HDAC9: variants seen among roughly 807,000 people sequenced by gnomAD.
HDAC9 encodes MEF-2 interacting transcription repressor (MITR) protein.
A neutral mutation model predicts 139.4 loss-of-function variants in HDAC9; 41 were observed. That is an observed-to-expected ratio of 0.29 (90% CI 0.23 to 0.38). The LOEUF is 0.38. Among genes scored for constraint, HDAC9 ranks in the 10% least tolerant of loss-of-function variants. The pLI, the probability that HDAC9 is intolerant of heterozygous loss-of-function variation, is 1.00. For missense variants in HDAC9, 1,147 were observed against 1,297.0 expected (o/e 0.88, Z 1.78); for synonymous variants, 517 against 476.2 (o/e 1.09, Z -1.12).
chr7:18,105,109 C>G, intron 1 of HDAC9, among the ~76,000 whole-genome samples: 1 of 148,964 alleles, frequency 6.7e-6, no homozygotes. Context: ...ATTTCATCTA[C>G]ATCTAGATGC....
intron 1 of HDAC9, among the ~76,000 whole-genome samples, chr7:18,378,624 A>C (rs1004507727): frequency 6.6e-6 from 1 of 152,052 alleles, no homozygotes; most frequent in African/African-American, 2.4e-5. Flanking sequence ...TATACATATA[A>C]ATATATGCAC....
intron 1 of HDAC9, among the ~76,000 whole-genome samples, chr7:18,402,833 C>T (rs142586854): frequency 1.6e-3 from 236 of 152,168 alleles, no homozygotes; most frequent in Non-Finnish European, 2.9e-3. Context: ...AATAAAAAGC[C>T]ATATACATTA....
At chr7:18,944,866 A>T (rs1055673092) in intron 23 of HDAC9, among the ~76,000 whole-genome samples, 1 of 152,172 alleles carries the variant, frequency 6.6e-6, no homozygotes, top group African/African-American at 2.4e-5. Context: ...GCTATATTTG[A>T]TTCATTTCCA....
chr7:18,591,772 T>G (rs1831065038), intron 5 of HDAC9, 130 bp downstream of exon 5: 1 of 1,227,474 alleles, frequency 8.1e-7, no homozygotes, highest in Non-Finnish European at 1.1e-6. Flanking sequence ...CCTTCAGTTC[T>G]CTAAGGATCA....
At chr7:18,792,113 T>A (rs1312366979) in intron 16 of HDAC9, among the ~76,000 whole-genome samples, 1 of 152,170 alleles carries the variant, frequency 6.6e-6, no homozygotes, top group Non-Finnish European at 1.5e-5. Flanking sequence ...TATTCATTGT[T>A]CTTGGTAGTA....
At chr7:18,579,797 G>T (rs1475531148) in intron 2 of HDAC9, among the ~76,000 whole-genome samples, 1 of 152,058 alleles carries the variant, frequency 6.6e-6, no homozygotes, top group East Asian at 1.9e-4. Flanking sequence ...ATGCCTGTGT[G>T]TGTGTGTGTG....
intron 12 of HDAC9, among the ~76,000 whole-genome samples, chr7:18,723,371 G>T (rs1490648050): frequency 6.6e-6 from 1 of 152,082 alleles, no homozygotes; most frequent in East Asian, 1.9e-4. Flanking sequence ...TACTAACTAC[G>T]GTTAAGGTGC....
At chr7:18,292,633 A>G (rs1013910986) in intron 1 of HDAC9, among the ~76,000 whole-genome samples, 4 of 152,160 alleles carry the variant, frequency 2.6e-5, no homozygotes, top group African/African-American at 2.4e-5. Flanking sequence ...CTTTTAGTAA[A>G]TTAACCATGC....
At chr7:18,985,865 CTTCTT>C (rs1785304479) in intron 25 of HDAC9, among the ~76,000 whole-genome samples, 1 of 108,014 alleles carries the variant, frequency 9.3e-6, no homozygotes, top group African/African-American at 4.8e-5. Flanking sequence ...GCATAAATGT[CTTCTT>C]TTGAGAAGTG....
chr7:18,724,155 C>A (rs545493997), intron 12 of HDAC9, among the ~76,000 whole-genome samples: 3 of 152,226 alleles, frequency 2.0e-5, no homozygotes, highest in East Asian at 3.9e-4. Flanking sequence ...CAAAATTTCC[C>A]TGAACCTCTT....
intron 2 of HDAC9, among the ~76,000 whole-genome samples, chr7:18,253,584 A>G (rs1259564591): frequency 2.0e-5 from 3 of 152,132 alleles, no homozygotes; most frequent in Non-Finnish European, 2.9e-5. Context: ...TCCTTTGCCC[A>G]TGTTTTAATG....
At chr7:18,875,273 T>C (rs1288960674) in intron 22 of HDAC9, among the ~76,000 whole-genome samples, 1 of 152,234 alleles carries the variant, frequency 6.6e-6, no homozygotes, top group East Asian at 1.9e-4. Flanking sequence ...AAAAGGTATA[T>C]ATATATAGCT....
chr7:18,903,134 A>C (rs1327630197), intron 22 of HDAC9, among the ~76,000 whole-genome samples: 3 of 152,230 alleles, frequency 2.0e-5, no homozygotes. Flanking sequence ...AGGAGAAAGG[A>C]GGTGCTTTGA....
chr7:18,363,508 G>T (rs190365264), intron 1 of HDAC9, among the ~76,000 whole-genome samples: 3 of 152,260 alleles, frequency 2.0e-5, no homozygotes, highest in Non-Finnish European at 1.5e-5. Context: ...AGAAAATGTT[G>T]TTATTATTAT....
At chr7:18,932,131 G>T (rs1304697901) in intron 22 of HDAC9, among the ~76,000 whole-genome samples, 1 of 152,024 alleles carries the variant, frequency 6.6e-6, no homozygotes, top group Non-Finnish European at 1.5e-5. Flanking sequence ...ATACAAAACT[G>T]CTCTAAAAAA....
intron 22 of HDAC9, among the ~76,000 whole-genome samples, chr7:18,911,582 G>T (rs566088263): frequency 9.4e-5 from 14 of 149,082 alleles, no homozygotes; most frequent in Non-Finnish European, 3.0e-5. Flanking sequence ...TGCTATTCTA[G>T]TTTTTTTTTA....
intron 2 of HDAC9, among the ~76,000 whole-genome samples, chr7:18,540,348 A>T (rs915561764): frequency 1.3e-5 from 2 of 151,822 alleles, no homozygotes; most frequent in African/African-American, 4.8e-5. Context: ...TTTCTTACAT[A>T]TAACACTGTC....
At chr7:18,962,764 G>A (rs1390049176) in intron 24 of HDAC9, among the ~76,000 whole-genome samples, 1 of 152,042 alleles carries the variant, frequency 6.6e-6, no homozygotes, top group East Asian at 1.9e-4. Flanking sequence ...CAGGTTTGAG[G>A]GAAGATCGTT....
intron 6 of HDAC9, among the ~76,000 whole-genome samples, chr7:18,626,327 G>C (rs1352790920): frequency 2.0e-5 from 3 of 152,152 alleles, no homozygotes. Context: ...CCACCAGCCT[G>C]TCCTGCCAGT....
Sources: allele counts gnomAD v4.1 joint callset (sites outside exome capture counted in the v4.1 genomes callset), GRCh38; gene constraint gnomAD v4.1.1; transcripts MANE v1.5; gene names NCBI Gene and HGNC (gene_info 2026-07-23, HGNC 2026-07-21).